GUCA1C: variants seen among roughly 807,000 people sequenced by gnomAD.
GUCA1C encodes guanylate cyclase activator 1C.
A neutral mutation model predicts 16.2 loss-of-function variants in GUCA1C; 15 were observed. The ratio of observed to expected loss-of-function variants is 0.93; its 90% CI spans 0.62 to 1.43. The LOEUF is 1.43. Ranked by LOEUF, GUCA1C falls within the 40% of genes most tolerant of loss-of-function variation. GUCA1C has a pLI of 0.00. For missense variants in GUCA1C, 275 were observed against 244.8 expected (o/e 1.12, Z -0.82); for synonymous variants, 78 against 85.4 (o/e 0.91, Z 0.48).
chr3:108,939,089 G>A (rs1378393749), intron 1 of GUCA1C, among the ~76,000 whole-genome samples: 2 of 151,966 alleles, frequency 1.3e-5, no homozygotes, highest in Non-Finnish European at 2.9e-5. Flanking sequence ...AGACATTATG[G>A]GCTTCCTCTT....
chr3:108,938,288 A>C (rs141793104), intron 1 of GUCA1C, among the ~76,000 whole-genome samples: 36 of 152,274 alleles, frequency 2.4e-4, no homozygotes, highest in African/African-American at 8.4e-4. Flanking sequence ...ACAGCCCCAT[A>C]ACCTGAAGAC....
intron 1 of GUCA1C, among the ~76,000 whole-genome samples, chr3:108,934,705 T>C (rs1215975569): frequency 6.6e-6 from 1 of 151,948 alleles, no homozygotes; most frequent in Non-Finnish European, 1.5e-5. Flanking sequence ...AACAAAATCA[T>C]GTCTTTTGCA....
chr3:108,920,913 G>A (rs1211191231), intron 1 of GUCA1C, among the ~76,000 whole-genome samples: 1 of 152,114 alleles, frequency 6.6e-6, no homozygotes, highest in Non-Finnish European at 1.5e-5. Context: ...TGGTACATTT[G>A]TTACAGTTGC....
intron 1 of GUCA1C, among the ~76,000 whole-genome samples, chr3:108,926,492 T>C (rs1946624252): frequency 6.6e-6 from 1 of 152,232 alleles, no homozygotes; most frequent in South Asian, 2.1e-4. Flanking sequence ...AAGGTCTGGT[T>C]TTTTTTGAGA....
rs541201330 is a variant in GUCA1C at position 108,922,083 on chromosome 3, G to A, written c.205-1498C>T. On this transcript the variant is annotated intron_variant, in intron 1 of 3. Coordinates refer to ENST00000261047, the MANE Select transcript of GUCA1C (RefSeq NM_005459.4). ...AATAATAGCCTCTACTTTTTTCCAG[G>A]TTGCTGTGAATGCCATTGTTTCATT... Among the ~76,000 whole-genome samples, 18 of 151,402 alleles carry A rather than the reference G, an allele frequency of 1.2e-4. No homozygotes were observed. The South Asian group carries it at 3.7e-3, about 31-fold the overall frequency.
intron 1 of GUCA1C, among the ~76,000 whole-genome samples, chr3:108,930,030 A>G (rs1946652901): frequency 2.0e-5 from 3 of 152,184 alleles, no homozygotes; most frequent in Non-Finnish European, 4.4e-5. Flanking sequence ...TTTCAGTTGA[A>G]ACAGAAACAA....
At chr3:108,953,180 G>A (rs1946913892) in intron 1 of GUCA1C, among the ~76,000 whole-genome samples, 1 of 152,164 alleles carries the variant, frequency 6.6e-6, no homozygotes, top group Non-Finnish European at 1.5e-5. Context: ...GCAGAGTCCT[G>A]TAATTTGCTT....
At chr3:108,918,207 C>T (rs890127896) in intron 2 of GUCA1C, among the ~76,000 whole-genome samples, 3 of 152,160 alleles carry the variant, frequency 2.0e-5, no homozygotes, top group Admixed American at 2.0e-4. Context: ...CTCTCCAACT[C>T]ACCAAAATGT....
At chr3:108,914,222 C>A (rs1946484932) in intron 3 of GUCA1C, among the ~76,000 whole-genome samples, 1 of 152,128 alleles carries the variant, frequency 6.6e-6, no homozygotes, top group Non-Finnish European at 1.5e-5. Context: ...CTTCAGGTAA[C>A]CTCAGCTATT....
intron 2 of GUCA1C, among the ~76,000 whole-genome samples, chr3:108,919,110 A>G (rs1337616074): frequency 6.6e-6 from 1 of 152,102 alleles, no homozygotes; most frequent in South Asian, 2.1e-4. Context: ...CCATGCTCTT[A>G]CCAGAATTTG....
intron 1 of GUCA1C, among the ~76,000 whole-genome samples, chr3:108,937,589 T>C (rs1162767089): frequency 6.6e-6 from 1 of 152,192 alleles, no homozygotes; most frequent in Non-Finnish European, 1.5e-5. Flanking sequence ...GAACTAATAA[T>C]AATAACATAA....
intron 1 of GUCA1C, among the ~76,000 whole-genome samples, chr3:108,947,049 G>A (rs545060022): frequency 1.3e-5 from 2 of 152,196 alleles, no homozygotes; most frequent in South Asian, 4.1e-4. Flanking sequence ...GAAATGATAA[G>A]TATGTGAGAT....
intron 1 of GUCA1C, among the ~76,000 whole-genome samples, chr3:108,942,635 C>G (rs1946798205): frequency 6.6e-6 from 1 of 152,182 alleles, no homozygotes; most frequent in Non-Finnish European, 1.5e-5. Context: ...CACCATATTA[C>G]CAGGTTTAAA....
intron 1 of GUCA1C, among the ~76,000 whole-genome samples, chr3:108,929,470 A>G (rs1449660318): frequency 6.6e-6 from 1 of 152,190 alleles, no homozygotes; most frequent in Non-Finnish European, 1.5e-5. Context: ...TGCAGTAGCT[A>G]GGACTTCCAG....
chr3:108,916,002 T>C, intron 3 of GUCA1C, 125 bp downstream of exon 3: 1 of 1,102,538 alleles, frequency 9.1e-7, no homozygotes, highest in Non-Finnish European at 1.3e-6. Context: ...TTGGTCCCAT[T>C]ATGAAGCCTA....
intron 1 of GUCA1C, among the ~76,000 whole-genome samples, chr3:108,927,841 G>A (rs1237022051): frequency 6.6e-6 from 1 of 152,132 alleles, no homozygotes; most frequent in Non-Finnish European, 1.5e-5. Flanking sequence ...CATTTGGGTA[G>A]ACTATAACAG....
Position 108,953,866 on chromosome 3 carries a change from C to A in GUCA1C, c.-104G>T. 1.4e-6 allele frequency: 1 copy of A among 734,996 alleles called. No homozygotes were observed. Among genetic ancestry groups the A allele is most frequent in the South Asian group, 1.6e-5 (1 of 61,536 alleles). The allele number at this position is 734,996 out of a possible 1,614,324, so 45.5% of individuals were successfully genotyped here. A position where few individuals can be genotyped will look rare whatever the true frequency, so the allele number is the denominator to read the frequency against. ...AAAACTGAAGGCTAACATATGCCCTCAGAAAGCTACTCTAAACCTCTTACA... is the reference window on the plus strand; with the variant it reads ...AAAACTGAAGGCTAACATATGCCCTAAGAAAGCTACTCTAAACCTCTTACA... On this transcript the variant is annotated 5_prime_UTR_variant, in exon 1 of 4. Transcript: ENST00000261047.
chr3:108,917,624 C>G (rs1262535524), intron 2 of GUCA1C, among the ~76,000 whole-genome samples: 1 of 152,076 alleles, frequency 6.6e-6, no homozygotes, highest in Non-Finnish European at 1.5e-5. Context: ...TCTCACTTGG[C>G]AAGTACTGTC....
intron 1 of GUCA1C, among the ~76,000 whole-genome samples, chr3:108,931,805 T>C (rs1294965990): frequency 4.6e-5 from 7 of 151,644 alleles, no homozygotes; most frequent in Admixed American, 3.3e-4. Context: ...AAGGATGCAA[T>C]AGAGAAAGCC....
Sources: gnomAD v4.1 joint callset for allele counts (sites outside exome capture counted in the v4.1 genomes callset) on GRCh38, gnomAD v4.1.1 for gene constraint, MANE v1.5 for transcripts, NCBI Gene and HGNC (gene_info 2026-07-23, HGNC 2026-07-21) for gene names.